SYT14: variants seen among roughly 807,000 people sequenced by gnomAD.
SYT14 encodes synaptotagmin-14.
Under a neutral mutation model 74.2 loss-of-function variants are expected in SYT14, and 32 were observed. The ratio of observed to expected loss-of-function variants is 0.43; its 90% CI spans 0.33 to 0.58. SYT14 has a LOEUF of 0.58. SYT14 is among the 20% of genes least tolerant of loss of function. SYT14 has a pLI of 0.05. For missense variants in SYT14, 791 were observed against 981.8 expected (o/e 0.81, Z 2.60); for synonymous variants, 298 against 337.7 (o/e 0.88, Z 1.29).
chr1:210,055,741 A>G (rs2636373), intron 5 of SYT14, among the ~76,000 whole-genome samples: 85,860 of 151,238 alleles, frequency 0.57, 26,455 homozygotes, highest in African/African-American at 0.82. Flanking sequence ...GGAGCTCAAG[A>G]CTACAGTGAG....
At chr1:210,162,052 C>A in exon 10 of SYT14, 1 of 446,280 alleles carries the variant, frequency 2.2e-6, no homozygotes, top group Admixed American at 2.4e-5. Flanking sequence ...AGAAACTGTT[C>A]TCTCTCTAAA....
chr1:209,955,529 C>T (rs955753625), intron 2 of SYT14, among the ~76,000 whole-genome samples: 3 of 151,774 alleles, frequency 2.0e-5, no homozygotes, highest in African/African-American at 7.3e-5. Context: ...TAGTCTAGTT[C>T]TCTGTGTTTT....
intron 7 of SYT14, among the ~76,000 whole-genome samples, chr1:210,148,538 A>G (rs967417732): frequency 6.6e-6 from 1 of 151,948 alleles, no homozygotes; most frequent in Non-Finnish European, 1.5e-5. Flanking sequence ...ATAACCACCA[A>G]TTCAGTGGAG....
At chr1:210,092,943 T>C (rs1456159776) in intron 5 of SYT14, among the ~76,000 whole-genome samples, 2 of 152,222 alleles carry the variant, frequency 1.3e-5, no homozygotes, top group Non-Finnish European at 2.9e-5. Flanking sequence ...TATGGGAGGA[T>C]GTACTTAGGT....
At chr1:210,127,622 A>C (rs1248088919) in intron 7 of SYT14, among the ~76,000 whole-genome samples, 1 of 152,210 alleles carries the variant, frequency 6.6e-6, no homozygotes, top group Non-Finnish European at 1.5e-5. Flanking sequence ...CGGTCTTCAA[A>C]TTCATGCTTT....
exon 3 of SYT14, chr1:210,013,771 C>T: frequency 6.2e-7 from 1 of 1,611,586 alleles, no homozygotes; most frequent in Non-Finnish European, 8.5e-7. Flanking sequence ...GAATACAGTA[C>T]AAGGAAGAAT....
chr1:210,052,684 A>AAAAAAAAAAAAAAAAAAACAAAC (rs2081023781), intron 5 of SYT14, among the ~76,000 whole-genome samples: 1 of 147,800 alleles, frequency 6.8e-6, no homozygotes, highest in Non-Finnish European at 1.5e-5. Context: ...AAAAAAAAAA[A>AAAAAAAAAAAAAAAAAAACAAAC]GCTCTCCAAG....
chr1:210,064,424 C>A (rs914426028), intron 5 of SYT14, among the ~76,000 whole-genome samples: 8 of 152,062 alleles, frequency 5.3e-5, no homozygotes, highest in Non-Finnish European at 7.4e-5. Flanking sequence ...AAAAATAACT[C>A]ATTTCCTCTA....
chr1:210,094,636 G>A (rs1288236325), intron 6 of SYT14, 43 bp downstream of exon 5: 1 of 1,602,990 alleles, frequency 6.2e-7, no homozygotes. Context: ...ATGTTATTTG[G>A]AGGATAATAA....
intron 5 of SYT14, among the ~76,000 whole-genome samples, chr1:210,077,900 G>C (rs1479265487): frequency 2.0e-5 from 3 of 152,172 alleles, no homozygotes; most frequent in African/African-American, 7.2e-5. Flanking sequence ...GGAAGGGATT[G>C]TTAAACAGAC....
intron 5 of SYT14, among the ~76,000 whole-genome samples, chr1:210,056,096 A>G (rs559101510): frequency 3.3e-5 from 5 of 152,314 alleles, no homozygotes; most frequent in South Asian, 2.1e-4. Flanking sequence ...ATTGATATAA[A>G]TTAGCACCCA....
intron 2 of SYT14, among the ~76,000 whole-genome samples, chr1:209,961,265 G>A (rs1431396217): frequency 6.6e-6 from 1 of 152,140 alleles, no homozygotes; most frequent in Non-Finnish European, 1.5e-5. Flanking sequence ...TTGTGAAGGT[G>A]TAGAACTATA....
intron 7 of SYT14, among the ~76,000 whole-genome samples, chr1:210,146,893 C>G (rs190923652): frequency 6.6e-6 from 1 of 151,334 alleles, no homozygotes; most frequent in Non-Finnish European, 1.5e-5. Context: ...CTCAGGAGAT[C>G]GAGACCATCT....
intron 7 of SYT14, among the ~76,000 whole-genome samples, chr1:210,149,014 T>C (rs12066358): frequency 0.031 from 4,782 of 152,156 alleles, 538 homozygotes; most frequent in Admixed American, 0.22. Flanking sequence ...TTCAAATAGG[T>C]ATTATTTCAG....
At chr1:209,973,158 C>T (rs766192511) in intron 2 of SYT14, among the ~76,000 whole-genome samples, 10 of 151,646 alleles carry the variant, frequency 6.6e-5, no homozygotes, top group East Asian at 3.9e-4. Context: ...ATAAGAATAG[C>T]GACTCCAGCT....
At chr1:210,105,117 G>A (rs904831555) in intron 7 of SYT14, among the ~76,000 whole-genome samples, 2 of 151,938 alleles carry the variant, frequency 1.3e-5, no homozygotes, top group South Asian at 2.1e-4. Flanking sequence ...TTCCCTCTCC[G>A]AAACTTTCTG....
chr1:210,115,509 C>G (rs1413737828), intron 7 of SYT14, among the ~76,000 whole-genome samples: 1 of 150,978 alleles, frequency 6.6e-6, no homozygotes, highest in Non-Finnish European at 1.5e-5. Context: ...AGACTGTCTT[C>G]CAGAGTCCGT....
At chr1:210,024,526 C>T (rs1458021644) in intron 5 of SYT14, among the ~76,000 whole-genome samples, 1 of 151,928 alleles carries the variant, frequency 6.6e-6, no homozygotes. Context: ...AGAGAGGGAC[C>T]TGTGTTTGGT....
intron 7 of SYT14, among the ~76,000 whole-genome samples, chr1:210,108,697 A>G (rs2082204106): frequency 6.6e-6 from 1 of 152,184 alleles, no homozygotes; most frequent in Non-Finnish European, 1.5e-5. Flanking sequence ...ACAGAGAGGC[A>G]AAAGTGTTAG....
Sources: allele counts gnomAD v4.1 joint callset (sites outside exome capture counted in the v4.1 genomes callset), GRCh38; gene constraint gnomAD v4.1.1; transcripts MANE v1.5; gene names NCBI Gene and HGNC (gene_info 2026-07-23, HGNC 2026-07-21).